Variants in NRXN1 observed in about 807,000 individuals in gnomAD.
NRXN1 encodes the protein neurexin 1, also known as neurexin-1.
In NRXN1, 39 loss-of-function variants were observed where a neutral mutation model predicts 150.9. The ratio of observed to expected loss-of-function variants is 0.26; its 90% CI spans 0.20 to 0.34. The LOEUF is 0.34. NRXN1 is among the 10% of genes least tolerant of loss of function. NRXN1 has a pLI of 1.00. For missense variants in NRXN1, 1,815 were observed against 1,949.9 expected (o/e 0.93, Z 1.30); for synonymous variants, 924 against 757.0 (o/e 1.22, Z -3.62).
intron 15 of NRXN1, among the ~76,000 whole-genome samples, chr2:50,485,176 C>G (rs2090776329): frequency 6.6e-6 from 1 of 152,104 alleles, no homozygotes; most frequent in African/African-American, 2.4e-5. Context: ...AAAATAAATA[C>G]TAAAATTGAA....
chr2:50,885,259 T>C (rs1680054915), intron 5 of NRXN1, among the ~76,000 whole-genome samples: 1 of 151,414 alleles, frequency 6.6e-6, no homozygotes, highest in African/African-American at 2.4e-5. Flanking sequence ...ATGAACTATA[T>C]CCAATGGTTC....
chr2:50,480,011 T>C (rs1002580170), intron 15 of NRXN1, among the ~76,000 whole-genome samples: 3 of 152,076 alleles, frequency 2.0e-5, no homozygotes, highest in South Asian at 2.1e-4. Flanking sequence ...TGACCTCAGA[T>C]ATCCGCCCGC....
At chr2:50,538,681 A>C in intron 9 of NRXN1, 45 bp from the exon 10 acceptor site, 1 of 1,389,736 alleles carries the variant, frequency 7.2e-7, no homozygotes, top group Non-Finnish European at 9.4e-7. Flanking sequence ...AAAAGCACCA[A>C]CGTGTTATAA....
intron 17 of NRXN1, among the ~76,000 whole-genome samples, chr2:50,446,737 A>T (rs1378995209): frequency 6.6e-6 from 1 of 151,966 alleles, no homozygotes; most frequent in Non-Finnish European, 1.5e-5. Context: ...AAGGGGAGAC[A>T]CCTAACTGTG....
intron 5 of NRXN1, among the ~76,000 whole-genome samples, chr2:50,714,596 T>G (rs1010396220): frequency 2.6e-5 from 4 of 152,148 alleles, no homozygotes; most frequent in Admixed American, 2.0e-4. Flanking sequence ...TAGCACCAAG[T>G]ACAATGAACA....
intron 21 of NRXN1, among the ~76,000 whole-genome samples, chr2:49,993,898 C>T (rs1305859582): frequency 6.6e-6 from 1 of 152,162 alleles, no homozygotes. Flanking sequence ...TCTTGAAGAA[C>T]TCTTAGAAGA....
chr2:50,497,262 T>C (rs1234688505), intron 14 of NRXN1, 71 bp downstream of exon 14: 5 of 1,219,444 alleles, frequency 4.1e-6, no homozygotes, highest in East Asian at 4.8e-5. Context: ...CTTCTTAGTG[T>C]ATATTTTTGG....
rs914063161 is a variant in NRXN1 at position 50,684,239 on chromosome 2, G to A, written c.833-60624C>T. On this transcript the variant is annotated intron_variant, in intron 5 of 22. Coordinates refer to ENST00000401669, the MANE Select transcript of NRXN1 (RefSeq NM_001330078.2). ...TCTTAGAGCCAGGTGGCTCATGCCT[G>A]TAATCCCAGAAGTTTGGGAGGCCAA... is the stretch of plus-strand genomic sequence containing the variant. 1.1e-4 allele frequency among the ~76,000 whole-genome samples: 16 copies of A among 152,280 alleles called. No homozygotes were observed. In the South Asian group the frequency reaches 3.1e-3, roughly 30 times the overall value.
At chr2:50,443,408 C>A (rs1335071962) in intron 17 of NRXN1, among the ~76,000 whole-genome samples, 1 of 152,108 alleles carries the variant, frequency 6.6e-6, no homozygotes, top group Non-Finnish European at 1.5e-5. Context: ...AAGTGTGAGG[C>A]CAGAAATGGG....
At chr2:50,476,572 G>A (rs995002988) in intron 15 of NRXN1, among the ~76,000 whole-genome samples, 1 of 151,838 alleles carries the variant, frequency 6.6e-6, no homozygotes, top group Non-Finnish European at 1.5e-5. Context: ...CAGTATATCT[G>A]TAAGGATGAC....
At chr2:50,656,740 C>T (rs989365318) in intron 5 of NRXN1, among the ~76,000 whole-genome samples, 1 of 150,170 alleles carries the variant, frequency 6.7e-6, no homozygotes, top group East Asian at 2.0e-4. Context: ...ATAGTAGCAG[C>T]TTACAAAGAA....
chr2:50,626,193 G>C (rs1365634506), intron 5 of NRXN1, among the ~76,000 whole-genome samples: 1 of 151,822 alleles, frequency 6.6e-6, no homozygotes, highest in Non-Finnish European at 1.5e-5. Context: ...CTGTGTACTA[G>C]AGACAATCAA....
chr2:50,961,838 A>G (rs1202949303), intron 2 of NRXN1, among the ~76,000 whole-genome samples: 1 of 151,740 alleles, frequency 6.6e-6, no homozygotes, highest in Non-Finnish European at 1.5e-5. Context: ...TATCATTTGT[A>G]TATAGATACA....
chr2:50,194,040 A>G (rs2061602980), intron 18 of NRXN1, among the ~76,000 whole-genome samples: 2 of 152,274 alleles, frequency 1.3e-5, no homozygotes, highest in South Asian at 4.1e-4. Flanking sequence ...CTACAACCCT[A>G]TGAGTTAAGT....
At chr2:50,978,419 T>A (rs574097568) in intron 2 of NRXN1, among the ~76,000 whole-genome samples, 1 of 150,454 alleles carries the variant, frequency 6.6e-6, no homozygotes, top group South Asian at 2.1e-4. Flanking sequence ...CAATATGTAT[T>A]TGTATAATCT....
chr2:50,501,050 T>C (rs569629281), intron 13 of NRXN1, among the ~76,000 whole-genome samples: 212 of 152,310 alleles, frequency 1.4e-3, no homozygotes, highest in Non-Finnish European at 2.7e-3. Context: ...AGAAATGTTA[T>C]GAATTTGATG....
At chr2:50,387,563 T>A (rs1233098854) in intron 17 of NRXN1, among the ~76,000 whole-genome samples, 1 of 152,146 alleles carries the variant, frequency 6.6e-6, no homozygotes, top group African/African-American at 2.4e-5. Flanking sequence ...TATTTACTCA[T>A]ACCTAAATAG....
intron 18 of NRXN1, among the ~76,000 whole-genome samples, chr2:50,115,226 T>TATAC (rs1702892898): frequency 1.4e-5 from 2 of 144,588 alleles, no homozygotes; most frequent in South Asian, 4.2e-4. Context: ...TGTATATATA[T>TATAC]ATATATATAT....
intron 18 of NRXN1, among the ~76,000 whole-genome samples, chr2:50,118,568 T>A (rs962829740): frequency 6.6e-6 from 1 of 152,142 alleles, no homozygotes; most frequent in Non-Finnish European, 1.5e-5. Flanking sequence ...AAATAAAGTT[T>A]TCCTTTATTT....
Sources: allele counts gnomAD v4.1 joint callset (sites outside exome capture counted in the v4.1 genomes callset), GRCh38; gene constraint gnomAD v4.1.1; transcripts MANE v1.5; gene names NCBI Gene and HGNC (gene_info 2026-07-23, HGNC 2026-07-21).